Variants in STAU2 observed in about 807,000 individuals in gnomAD.
STAU2 encodes the protein staufen double-stranded RNA binding protein 2.
Under a neutral mutation model 65.9 loss-of-function variants are expected in STAU2, and 20 were observed. The ratio of observed to expected loss-of-function variants is 0.30; its 90% CI spans 0.21 to 0.44. The LOEUF is 0.44. Ranked by LOEUF, STAU2 falls within the 20% of genes least tolerant of loss-of-function variation. The probability of loss-of-function intolerance (pLI) is 1.00; values close to 1 mark genes in which losing one functional copy is unlikely to be tolerated. For missense variants in STAU2, 558 were observed against 683.9 expected (o/e 0.82, Z 2.05); for synonymous variants, 232 against 233.9 (o/e 0.99, Z 0.07).
At chr8:73,733,830 A>T (rs1406193028) in intron 3 of STAU2, among the ~76,000 whole-genome samples, 1 of 152,232 alleles carries the variant, frequency 6.6e-6, no homozygotes, top group Admixed American at 6.5e-5. Context: ...CTTCTGGCAG[A>T]TATAATTTTG....
chr8:73,501,348 A>AG (rs1416344783), intron 13 of STAU2, among the ~76,000 whole-genome samples: 11 of 151,974 alleles, frequency 7.2e-5, no homozygotes, highest in Admixed American at 2.0e-4. Flanking sequence ...ATCTCTATAC[A>AG]AAGAAAACAG....
chr8:73,739,863 C>G lies in STAU2; in HGVS notation c.-191G>C, dbSNP rs767702268. 72 of 1,088,880 alleles carry G rather than the reference C, an allele frequency of 6.6e-5. No homozygotes were observed. The highest frequency in any genetic ancestry group is 6.7e-6 in the Non-Finnish European group (5 of 740,894). The allele number at this position is 1,088,880 out of a possible 1,614,324, so 67.5% of individuals were successfully genotyped here. ...AGTAAGCTAAAGTCCTTGTGGTAGG[C>G]AGCCTCTAACAAATAGAATATAGCA... On this transcript the variant is annotated 5_prime_UTR_variant, in exon 2 of 15. Coordinates refer to ENST00000524300, the MANE Select transcript of STAU2 (RefSeq NM_001164380.2).
At chr8:73,426,169 C>CTT (rs60313895) in intron 13 of STAU2, among the ~76,000 whole-genome samples, 5 of 147,594 alleles carry the variant, frequency 3.4e-5, no homozygotes, top group East Asian at 2.0e-4. Context: ...AGGTAACCTG[C>CTT]TTTTTTTTTT....
intron 13 of STAU2, among the ~76,000 whole-genome samples, chr8:73,443,030 CA>C (rs1563595038): frequency 6.6e-6 from 1 of 152,208 alleles, no homozygotes; most frequent in Non-Finnish European, 1.5e-5. Flanking sequence ...AACTTCAAAT[CA>C]AAACCTCAAC....
At chr8:73,678,143 G>GT (rs201927230) in intron 5 of STAU2, among the ~76,000 whole-genome samples, 2,129 of 152,218 alleles carry the variant, frequency 0.014, 26 homozygotes, top group Non-Finnish European at 0.022. Context: ...TATGACAATG[G>GT]TTTTTTAGTG....
intron 13 of STAU2, among the ~76,000 whole-genome samples, chr8:73,483,299 A>T (rs757438280): frequency 3.9e-5 from 6 of 152,070 alleles, no homozygotes; most frequent in Non-Finnish European, 7.4e-5. Flanking sequence ...ATCAGGGGGG[A>T]AAAAACCTCA....
intron 13 of STAU2, among the ~76,000 whole-genome samples, chr8:73,444,263 AG>A (rs1472916329): frequency 5.9e-5 from 9 of 152,010 alleles, no homozygotes; most frequent in Admixed American, 5.9e-4. Flanking sequence ...AAAATTAGCC[AG>A]GCATGGTGGT....
intron 1 of STAU2, among the ~76,000 whole-genome samples, chr8:73,743,538 A>G (rs1315343245): frequency 7.4e-6 from 1 of 135,288 alleles, no homozygotes; most frequent in Admixed American, 8.7e-5. Context: ...AATGGGCACC[A>G]TGTCGGCTCA....
At chr8:73,585,383 G>C (rs1383197388) in intron 11 of STAU2, among the ~76,000 whole-genome samples, 2 of 152,236 alleles carry the variant, frequency 1.3e-5, no homozygotes, top group East Asian at 1.9e-4. Flanking sequence ...AGGAGGCTGA[G>C]GCAGGAGAAT....
chr8:73,429,922 G>A (rs1291363486), intron 13 of STAU2, among the ~76,000 whole-genome samples: 1 of 152,148 alleles, frequency 6.6e-6, no homozygotes, highest in Non-Finnish European at 1.5e-5. Flanking sequence ...TTGTTTTGTG[G>A]GGAGCACACA....
intron 6 of STAU2, among the ~76,000 whole-genome samples, chr8:73,661,137 G>T (rs576415132): frequency 2.0e-5 from 3 of 152,020 alleles, no homozygotes; most frequent in Non-Finnish European, 4.4e-5. Context: ...ATTAGAAGTC[G>T]AATAACCTGC....
At chr8:73,550,899 C>A in intron 13 of STAU2, 4 of 986,932 alleles carry the variant, frequency 4.1e-6, no homozygotes, top group Middle Eastern at 2.8e-4. Flanking sequence ...AAACACATGA[C>A]CTTCTTTTTC....
intron 13 of STAU2, among the ~76,000 whole-genome samples, chr8:73,478,868 C>T (rs1820457608): frequency 6.6e-6 from 1 of 152,106 alleles, no homozygotes; most frequent in Non-Finnish European, 1.5e-5. Context: ...ATTAGATAGA[C>T]AGATAGATGG....
At position 73,525,762 on chromosome 8, in the gene STAU2, C is replaced by T. The variant is rs563101237; in HGVS notation, c.1530+26250G>A. Among the ~76,000 whole-genome samples, 62 of 152,256 alleles carry T rather than the reference C, an allele frequency of 4.1e-4. 1 individual carries two copies. The highest frequency in any genetic ancestry group is 6.8e-3 in the Middle Eastern group (2 of 294). On this transcript the variant is annotated intron_variant, in intron 13 of 14. Transcript: ENST00000524300. ...AGACCTTTCCAAGAGAGGTATCCCA[C>T]GCTGCTTTTGACATTTGCCTCTACC...
chr8:73,724,053 C>A (rs1292752274), intron 3 of STAU2, among the ~76,000 whole-genome samples: 1 of 152,182 alleles, frequency 6.6e-6, no homozygotes, highest in Non-Finnish European at 1.5e-5. Flanking sequence ...CTTCTCAACT[C>A]AGAGTCTGCC....
chr8:73,499,930 C>T (rs545057166), intron 13 of STAU2, among the ~76,000 whole-genome samples: 2 of 151,918 alleles, frequency 1.3e-5, no homozygotes, highest in Non-Finnish European at 2.9e-5. Context: ...CAGTGATAGT[C>T]AAGAGATTGG....
intron 6 of STAU2, among the ~76,000 whole-genome samples, chr8:73,629,611 G>A (rs1426852030): frequency 1.3e-5 from 2 of 152,152 alleles, no homozygotes; most frequent in African/African-American, 2.4e-5. Flanking sequence ...TTTAGGCAAT[G>A]CAAATAGTCT....
At chr8:73,474,236 G>A (rs1820197026) in intron 13 of STAU2, among the ~76,000 whole-genome samples, 1 of 152,184 alleles carries the variant, frequency 6.6e-6, no homozygotes, top group Non-Finnish European at 1.5e-5. Flanking sequence ...AGTCCCTGGA[G>A]TCTGCAGGCA....
At chr8:73,596,665 A>C (rs1370455639) in intron 10 of STAU2, among the ~76,000 whole-genome samples, 1 of 152,000 alleles carries the variant, frequency 6.6e-6, no homozygotes, top group Non-Finnish European at 1.5e-5. Flanking sequence ...CCTGGGCAAT[A>C]TAGTGAGACC....
Sources: allele counts gnomAD v4.1 joint callset (sites outside exome capture counted in the v4.1 genomes callset), GRCh38; gene constraint gnomAD v4.1.1; transcripts MANE v1.5; gene names NCBI Gene and HGNC (gene_info 2026-07-23, HGNC 2026-07-21).